The following POMT2 variants were observed in gnomAD, a reference collection of about 807,000 sequenced individuals.
POMT2 encodes protein O-mannosyltransferase 2.
A neutral mutation model predicts 100.0 loss-of-function variants in POMT2; 75 were observed. That is an observed-to-expected ratio of 0.75 (90% CI 0.62 to 0.91). The LOEUF (loss-of-function observed/expected upper bound fraction) is 0.91, where lower values mean the gene tolerates loss of function less well. Ranked by LOEUF, POMT2 falls within the 40% of genes least tolerant of loss-of-function variation. POMT2 has a pLI of 0.00. For missense variants in POMT2, 940 were observed against 955.1 expected (o/e 0.98, Z 0.21); for synonymous variants, 378 against 374.1 (o/e 1.01, Z -0.12).
At chr14:77,293,907 C>T (rs1890730628) in intron 9 of POMT2, among the ~76,000 whole-genome samples, 1 of 152,176 alleles carries the variant, frequency 6.6e-6, no homozygotes, top group South Asian at 2.1e-4. Flanking sequence ...TACATGACAC[C>T]TGCAGCAATT....
rs1268392742 is a variant in POMT2, at chr14:77,283,780, G to C, written c.1653+17C>G. 1 of 1,585,874 alleles carries C rather than the reference G, an allele frequency of 6.3e-7. No individual in the cohort carries two copies. The highest frequency in any genetic ancestry group is 8.7e-7 in the Non-Finnish European group (1 of 1,154,386). On this transcript the variant is annotated intron_variant, in intron 15 of 20. Coordinates refer to ENST00000261534, the MANE Select transcript of POMT2 (RefSeq NM_013382.7). The stretch of plus-strand genomic sequence containing the variant: ...AAAGCTCTTAGAGACGCCATGAAAT[G>C]AGAAGGGGACACATACCCGGATCAT...
chr14:77,296,594 T>A, intron 8 of POMT2: 1 of 313,092 alleles, frequency 3.2e-6, no homozygotes, highest in Non-Finnish European at 5.7e-6. Flanking sequence ...TTCAATGGAA[T>A]AAAGAAGGAA....
At chr14:77,280,338 C>G in intron 16 of POMT2, 54 bp downstream of exon 16, 1 of 1,612,928 alleles carries the variant, frequency 6.2e-7, no homozygotes, top group South Asian at 1.1e-5. Context: ...ACCGGTCTCC[C>G]TGCTCTTGTT....
chr14:77,283,691 C>T, intron 15 of POMT2, 106 bp downstream of exon 15: 2 of 1,017,846 alleles, frequency 2.0e-6, no homozygotes, highest in South Asian at 1.3e-5. Flanking sequence ...TTTCAAATTC[C>T]TCCACAAGGG....
rs10643583 is a variant in POMT2, at chr14:77,318,735, A to ATTTT, written c.248+1695_248+1698dup. On this transcript the variant is annotated intron_variant, in intron 1 of 20. Coordinates refer to ENST00000261534, the MANE Select transcript of POMT2 (RefSeq NM_013382.7). ...ATCTTTCCATTAATCATGGTAGTTA[A>ATTTT]TTTTTTTTTTTTTTTTTTGAGACAG... Among the ~76,000 whole-genome samples, 171 of 140,166 alleles carry ATTTT rather than the reference A, an allele frequency of 1.2e-3. 2 individuals carry two copies. The highest frequency in any genetic ancestry group is 3.8e-3 in the African/African-American group (144 of 37,722). 92.0% of individuals were successfully genotyped at this position (140,166 alleles called of 152,430 possible).
At chr14:77,287,436 TTAA>T (rs1424763496) in intron 11 of POMT2, 4 of 151,504 alleles carry the variant, frequency 2.6e-5, no homozygotes, top group African/African-American at 2.4e-5. Flanking sequence ...TGAAATTTAT[TTAA>T]TAAAATAAAA....
At chr14:77,295,147 C>A (rs978853320) in intron 9 of POMT2, among the ~76,000 whole-genome samples, 1 of 152,202 alleles carries the variant, frequency 6.6e-6, no homozygotes, top group Non-Finnish European at 1.5e-5. Context: ...TCTTCAGCAT[C>A]CTGCTTCTCC....
At chr14:77,279,423 C>A in intron 18 of POMT2, 1 of 427,924 alleles carries the variant, frequency 2.3e-6, no homozygotes, top group Non-Finnish European at 4.6e-6. Context: ...GAGGACAGGG[C>A]CATGGAACAA....
intron 6 of POMT2, 76 bp downstream of exon 6, chr14:77,301,014 C>T: frequency 6.2e-7 from 1 of 1,610,464 alleles, no homozygotes. Context: ...GCAGTAGAGA[C>T]AGAGAAGGCC....
At chr14:77,304,388 T>C (rs904656419) in intron 4 of POMT2, among the ~76,000 whole-genome samples, 1 of 152,204 alleles carries the variant, frequency 6.6e-6, no homozygotes, top group African/African-American at 2.4e-5. Flanking sequence ...AAAACACACA[T>C]ACTCACATAC....
rs952825435 is a variant in POMT2, at chr14:77,277,351, C to T, written c.*25G>A. ...TGGCTCTCCTGGGAAGTTCCTGGAC[C>T]CAGGCTGGAATCTTTGCAGTGGCCT... is the stretch of plus-strand genomic sequence containing the variant. On this transcript the variant is annotated 3_prime_UTR_variant, in exon 21 of 21. Transcript: ENST00000261534. 1 of 1,579,362 alleles carries T rather than the reference C, an allele frequency of 6.3e-7. No individual in the cohort carries two copies. The highest frequency in any genetic ancestry group is 8.7e-7 in the Non-Finnish European group (1 of 1,148,760).
chr14:77,285,634 T>C lies in POMT2; in HGVS notation c.1333-2A>G. 6.2e-7 allele frequency: 1 copy of C among 1,612,420 alleles called. No homozygotes were observed. Among genetic ancestry groups the C allele is most frequent in the South Asian group, 1.1e-5 (1 of 91,050 alleles). ...ATCATTTGAGTCCCCTGTTCCATTC[T>C]GCCATAAAAGCCAAGAAAAAAATAC... On this transcript the variant is annotated splice_acceptor_variant, in intron 12 of 20. Transcript: ENST00000261534. LOFTEE classifies it high-confidence loss of function.
At chr14:77,286,894 G>C in intron 11 of POMT2, 72 bp from the exon 12 acceptor site, 3 of 1,609,482 alleles carry the variant, frequency 1.9e-6, no homozygotes, top group Non-Finnish European at 2.5e-6. Flanking sequence ...TTTTACCAAG[G>C]ATGTTCAGAG....
At chr14:77,296,560 T>C in intron 8 of POMT2, 2 of 444,354 alleles carry the variant, frequency 4.5e-6, no homozygotes, top group South Asian at 2.5e-5. Context: ...AAACAACTTG[T>C]CCTTCTCAAG....
At chr14:77,317,984 C>T (rs1012761452) in intron 1 of POMT2, among the ~76,000 whole-genome samples, 3 of 152,138 alleles carry the variant, frequency 2.0e-5, no homozygotes, top group Non-Finnish European at 2.9e-5. Context: ...ACATAATGGG[C>T]CTCTGTCAAT....
chr14:77,283,579 G>A (rs1392557715), intron 15 of POMT2, among the ~76,000 whole-genome samples: 1 of 152,214 alleles, frequency 6.6e-6, no homozygotes, highest in Non-Finnish European at 1.5e-5. Context: ...CCTGGCACAT[G>A]AGCTGTACAA....
At chr14:77,296,334 T>C in intron 8 of POMT2, 61 bp from the exon 9 acceptor site, 6 of 1,235,910 alleles carry the variant, frequency 4.9e-6, no homozygotes, top group Non-Finnish European at 7.0e-6. Flanking sequence ...TGTCCGTGCC[T>C]GCGAGGAGCC....
chr14:77,286,949 C>T (rs982754349), intron 11 of POMT2, 127 bp from the exon 12 acceptor site: 1 of 1,526,988 alleles, frequency 6.5e-7, no homozygotes, highest in African/African-American at 1.4e-5. Flanking sequence ...CTATTAAATC[C>T]AACATATCAG....
At position 77,306,454 on chromosome 14, in the gene POMT2, G is replaced by T. The variant is rs780360417; in HGVS notation, c.334-13C>A. ...GACCTATCAGCATCTGAGGAGAGAA[G>T]AACAAACAAAAAGATGAGAAGCCTT... On this transcript the variant is annotated splice_polypyrimidine_tract_variant and intron_variant, in intron 2 of 20. Coordinates refer to ENST00000261534, the MANE Select transcript of POMT2 (RefSeq NM_013382.7). The T allele has an allele frequency of 6.2e-7, 1 of 1,611,244 alleles. No homozygotes were observed. The highest frequency in any genetic ancestry group is 1.7e-5 in the Admixed American group (1 of 59,944).
Sources: allele counts gnomAD v4.1 joint callset (sites outside exome capture counted in the v4.1 genomes callset), GRCh38; gene constraint gnomAD v4.1.1; transcripts MANE v1.5; gene names NCBI Gene and HGNC (gene_info 2026-07-23, HGNC 2026-07-21).